Variants in FILIP1L observed in about 807,000 individuals in gnomAD.
The protein encoded by FILIP1L is filamin A-interacting protein 1-like.
FILIP1L carries 55 observed loss-of-function variants against 96.6 expected under a neutral mutation model. The observed-to-expected ratio is 0.57, with a 90% CI of 0.46 to 0.71. FILIP1L has a LOEUF of 0.71. FILIP1L is among the 30% of genes least tolerant of loss of function. The pLI is 0.00. For missense variants in FILIP1L, 1,304 were observed against 1,321.2 expected, an observed-to-expected ratio of 0.99 and a Z score of 0.20; for synonymous variants, 467 against 473.9, an observed-to-expected ratio of 0.99 and a Z score of 0.19.
intron 1 of FILIP1L, among the ~76,000 whole-genome samples, chr3:99,936,982 G>T (rs1198316860): frequency 6.6e-6 from 1 of 152,036 alleles, no homozygotes; most frequent in Admixed American, 6.5e-5. Flanking sequence ...TTGTTACTCA[G>T]GCTGGAGTGC....
At chr3:99,910,593 G>A (rs1230576011) in intron 4 of FILIP1L, among the ~76,000 whole-genome samples, 1 of 136,298 alleles carries the variant, frequency 7.3e-6, no homozygotes, top group Non-Finnish European at 1.7e-5. Flanking sequence ...AACCTGGGGA[G>A]TATTATGTTT....
intron 4 of FILIP1L, among the ~76,000 whole-genome samples, chr3:99,902,500 T>C (rs1039644398): frequency 1.3e-5 from 2 of 152,212 alleles, no homozygotes; most frequent in African/African-American, 4.8e-5. Context: ...TATCTTGATA[T>C]ATAAGGGTAT....
chr3:99,983,385 A>T lies in FILIP1L; in HGVS notation c.-10-52355T>A, dbSNP rs867992425. On this transcript the variant is annotated intron_variant, in intron 1 of 5. Coordinates refer to ENST00000477258, the MANE Select transcript of FILIP1L (RefSeq NM_001387850.1). ...CCTGTCTCTACTTAAAAAATAAATAAATAAATATATATATATATATATATA... is the reference window on the plus strand; with the variant it reads ...CCTGTCTCTACTTAAAAAATAAATATATAAATATATATATATATATATATA... Among the ~76,000 whole-genome samples, 76 of 84,020 alleles carry T rather than the reference A, an allele frequency of 9.0e-4. 1 individual carries two copies. Among genetic ancestry groups the T allele is most frequent in the African/African-American group, 3.6e-3 (57 of 15,728 alleles). 55.1% of individuals were successfully genotyped at this position (84,020 alleles called of 152,430 possible). A position where few individuals can be genotyped will look rare whatever the true frequency, so the allele number is the denominator to read the frequency against.
At chr3:99,888,748 A>G (rs767262771) in intron 4 of FILIP1L, among the ~76,000 whole-genome samples, 2 of 152,212 alleles carry the variant, frequency 1.3e-5, no homozygotes, top group East Asian at 3.8e-4. Flanking sequence ...CTCTTCCAGC[A>G]AAAGAAATTC....
chr3:100,002,787 G>T (rs532230076), intron 1 of FILIP1L, among the ~76,000 whole-genome samples: 1 of 152,178 alleles, frequency 6.6e-6, no homozygotes, highest in South Asian at 2.1e-4. Context: ...CAGGTGGCTT[G>T]ATCTCTAGTT....
At chr3:100,058,864 T>C (rs1344949052) in intron 1 of FILIP1L, among the ~76,000 whole-genome samples, 1 of 152,258 alleles carries the variant, frequency 6.6e-6, no homozygotes, top group African/African-American at 2.4e-5. Context: ...TTGAGTGATG[T>C]GTTTAGTATT....
At chr3:100,020,527 A>G (rs1023704242) in intron 1 of FILIP1L, among the ~76,000 whole-genome samples, 3 of 152,158 alleles carry the variant, frequency 2.0e-5, no homozygotes, top group African/African-American at 7.2e-5. Context: ...GAGACTTAGC[A>G]TTGCTTTGGC....
chr3:100,014,613 T>C (rs955029202), intron 1 of FILIP1L, among the ~76,000 whole-genome samples: 1 of 152,142 alleles, frequency 6.6e-6, no homozygotes, highest in Non-Finnish European at 1.5e-5. Flanking sequence ...TTTTTTCATA[T>C]ACCTGTTGGC....
At chr3:99,909,403 G>C (rs1215957466) in intron 4 of FILIP1L, among the ~76,000 whole-genome samples, 2 of 152,192 alleles carry the variant, frequency 1.3e-5, no homozygotes, top group Non-Finnish European at 2.9e-5. Flanking sequence ...CTTGGGTCAG[G>C]TGAGGGGGTC....
intron 1 of FILIP1L, among the ~76,000 whole-genome samples, chr3:99,973,896 T>C (rs1028807683): frequency 2.6e-5 from 4 of 152,184 alleles, no homozygotes; most frequent in African/African-American, 7.2e-5. Flanking sequence ...ATAGACAATA[T>C]ATAATTGATA....
intron 1 of FILIP1L, among the ~76,000 whole-genome samples, chr3:100,024,065 G>A (rs1484025480): frequency 6.6e-6 from 1 of 152,112 alleles, no homozygotes; most frequent in Non-Finnish European, 1.5e-5. Context: ...TAGTGTCTGT[G>A]TGTCCCTTCC....
chr3:99,844,605 A>G (rs1943279429), intron 5 of FILIP1L, among the ~76,000 whole-genome samples: 1 of 152,262 alleles, frequency 6.6e-6, no homozygotes, highest in Non-Finnish European at 1.5e-5. Context: ...AGTAAAGACC[A>G]TAGAATCCTT....
rs146209988 is a variant in FILIP1L at position 99,935,350 on chromosome 3, G to C, written c.-10-4320C>G. ...ATGAAGTGCTGACCTAGTACCTAGT[G>C]AGTTTACAAGGGAAAAAAACCTGCT... On this transcript the variant is annotated intron_variant, in intron 1 of 5. Coordinates refer to ENST00000477258, the MANE Select transcript of FILIP1L (RefSeq NM_001387850.1). Among the ~76,000 whole-genome samples the C allele has an allele frequency of 8.8e-3, 1,330 of 151,898 alleles. 20 individuals are homozygous for C. The highest frequency in any genetic ancestry group is 0.027 in the African/African-American group (1,100 of 41,410).
chr3:100,085,340 A>G (rs986960285), intron 1 of FILIP1L, among the ~76,000 whole-genome samples: 2 of 152,192 alleles, frequency 1.3e-5, no homozygotes, highest in Admixed American at 6.5e-5. Context: ...CCTTCTCCTT[A>G]AGGAATTCAT....
chr3:99,972,818 T>C (rs1407432925), intron 1 of FILIP1L, among the ~76,000 whole-genome samples: 2 of 152,232 alleles, frequency 1.3e-5, no homozygotes, highest in African/African-American at 4.8e-5. Context: ...GAAAATTCCA[T>C]CACTTGGCAT....
At chr3:100,078,968 CA>C (rs2065892628) in intron 1 of FILIP1L, among the ~76,000 whole-genome samples, 3 of 152,168 alleles carry the variant, frequency 2.0e-5, no homozygotes, top group Non-Finnish European at 1.5e-5. Flanking sequence ...GGGCCACATT[CA>C]AAGCTGTCCT....
chr3:99,850,762 T>C lies in FILIP1L; in HGVS notation c.914A>G (p.Asp305Gly). The change falls in exon 5 of 6, where the codon GAC (aspartate) becomes GGC (glycine). Residue 305 changes from aspartate to glycine, a missense_variant. By Grantham distance (94) the Asp-to-Gly change is moderately conservative (BLOSUM62 -1). Coordinates refer to ENST00000477258, the MANE Select transcript of FILIP1L (RefSeq NM_001387850.1). ...LQTQTTKFHQDQDTIMAKLTN... is the reference protein window; with the variant it reads ...LQTQTTKFHQGQDTIMAKLTN... ...GAGCTTCGCCATAATTGTGTCTTGG[T>C]CTTGGTGAAACTTTGTGGTCTGCGT... 6.2e-7 allele frequency: 1 copy of C among 1,614,224 alleles called. No homozygotes were observed. The highest frequency in any genetic ancestry group is 8.5e-7 in the Non-Finnish European group (1 of 1,180,044).
intron 1 of FILIP1L, among the ~76,000 whole-genome samples, chr3:100,035,162 T>C (rs1328438220): frequency 1.6e-4 from 24 of 152,242 alleles, no homozygotes; most frequent in Admixed American, 1.6e-3. Flanking sequence ...TATTAGCAAT[T>C]TGATGATGAA....
intron 4 of FILIP1L, among the ~76,000 whole-genome samples, chr3:99,882,141 G>C (rs556075187): frequency 5.9e-5 from 9 of 152,258 alleles, no homozygotes; most frequent in Non-Finnish European, 1.3e-4. Context: ...AATGGTCCTA[G>C]AAAGCCTGAG....
Sources: allele counts gnomAD v4.1 joint callset (sites outside exome capture counted in the v4.1 genomes callset), GRCh38; gene constraint gnomAD v4.1.1; transcripts MANE v1.5; gene names NCBI Gene and HGNC (gene_info 2026-07-23, HGNC 2026-07-21).